The following COL4A4 variants were observed in gnomAD, a reference collection of about 807,000 sequenced individuals.
COL4A4 encodes collagen type IV alpha 4 chain.
Under a neutral mutation model 192.9 loss-of-function variants are expected in COL4A4, and 105 were observed. That is an observed-to-expected ratio of 0.54 (90% CI 0.46 to 0.64). The LOEUF is 0.64. Among genes scored for constraint, COL4A4 ranks in the 30% least tolerant of loss-of-function variants. COL4A4 has a pLI of 0.00. For synonymous variants in COL4A4, 762 were observed against 769.9 expected (o/e 0.99, Z 0.17); for missense variants, 1,967 against 2,169.3 (o/e 0.91, Z 1.85).
chr2:227,034,866 T>G (rs912441365), intron 37 of COL4A4, among the ~76,000 whole-genome samples: 1 of 151,474 alleles, frequency 6.6e-6, no homozygotes, highest in Non-Finnish European at 1.5e-5. Flanking sequence ...GATTTCCAAT[T>G]TCATCCATGT....
the COL4A4 span, among the ~76,000 whole-genome samples, chr2:226,979,086 C>A: frequency 5.3e-5 from 8 of 152,214 alleles, no homozygotes; most frequent in African/African-American, 1.9e-4. Flanking sequence ...AGAAGCTATT[C>A]GTGTGGCTCA....
chr2:227,010,605 G>C (rs1963460965), intron 45 of COL4A4, 104 bp from the exon 46 acceptor site: 1 of 946,174 alleles, frequency 1.1e-6, no homozygotes, highest in Non-Finnish European at 1.5e-6. Flanking sequence ...TCAGGGAGCA[G>C]AGGGGAGCAT....
At chr2:227,126,589 T>C (rs2062103488) in intron 4 of COL4A4, among the ~76,000 whole-genome samples, 1 of 152,248 alleles carries the variant, frequency 6.6e-6, no homozygotes, top group African/African-American at 2.4e-5. Flanking sequence ...TTTTTACAAC[T>C]GTGAAGACTT....
intron 42 of COL4A4, 121 bp downstream of exon 42, chr2:227,027,781 T>C: frequency 1.3e-6 from 1 of 797,668 alleles, no homozygotes; most frequent in Non-Finnish European, 2.2e-6. Flanking sequence ...ATACTCTTAA[T>C]ATAAGAAAAG....
chr2:227,101,846 TATA>T lies in COL4A4; in HGVS notation c.975+16_975+18del, dbSNP rs780664524. 2.6e-6 allele frequency: 4 copies of T among 1,542,480 alleles called. No individual in the cohort carries two copies. The South Asian group carries it at 4.6e-5, about 18-fold the overall frequency. On this transcript the variant is annotated intron_variant, in intron 16 of 47. Coordinates refer to ENST00000396625, the MANE Select transcript of COL4A4 (RefSeq NM_000092.5). ...ACTAATGAAATGTATTTATTATCTC[TATA>T]ATGAGGTACATTTACCTTTAATCCT...
chr2:227,007,909 G>C (rs1417784227), intron 47 of COL4A4, 109 bp downstream of exon 47: 14 of 1,370,472 alleles, frequency 1.0e-5, no homozygotes, highest in Non-Finnish European at 1.0e-6. Context: ...GTAACCTTAT[G>C]TCCTAAGCGC....
chr2:227,149,885 G>C (rs1370438370), intron 1 of COL4A4, among the ~76,000 whole-genome samples: 1 of 152,126 alleles, frequency 6.6e-6, no homozygotes, highest in South Asian at 2.1e-4. Context: ...ACAGACAGAC[G>C]GATGGATGGG....
intron 25 of COL4A4, among the ~76,000 whole-genome samples, chr2:227,070,856 C>T (rs1371170066): frequency 6.7e-6 from 1 of 149,568 alleles, no homozygotes; most frequent in African/African-American, 2.5e-5. Flanking sequence ...GCACATGTAC[C>T]CTAAAACTTA....
At chr2:226,984,861 G>C in the COL4A4 span, among the ~76,000 whole-genome samples, 1 of 146,998 alleles carries the variant, frequency 6.8e-6, no homozygotes, top group Non-Finnish European at 1.5e-5. Flanking sequence ...ATCAGGCACA[G>C]TCAGAATGAG....
intron 1 of COL4A4, among the ~76,000 whole-genome samples, chr2:227,161,459 T>A (rs559739450): frequency 1.1e-4 from 17 of 152,204 alleles, no homozygotes; most frequent in African/African-American, 1.7e-4. Context: ...CTGTTTTACA[T>A]TTAAAGAACC....
intron 44 of COL4A4, among the ~76,000 whole-genome samples, chr2:227,020,779 C>T (rs980197486): frequency 6.6e-6 from 1 of 152,026 alleles, no homozygotes; most frequent in African/African-American, 2.4e-5. Flanking sequence ...AGAACAGTGA[C>T]TTCTAGATGC....
chr2:227,101,881 C>A lies in COL4A4; in HGVS notation c.959G>T (p.Gly320Val). The change falls in exon 16 of 48, where the codon GGT (glycine) becomes GTT (valine). Residue 320 changes from glycine to valine, a missense_variant. Transcript: ENST00000396625. ...RGDPGSYGSPGFPGLKGELGL... is the reference protein window; with the variant it reads ...RGDPGSYGSPVFPGLKGELGL... ...TACATTTACCTTTAATCCTGGAAAA[C>A]CTGGAGATCCATAGGAACCAGGATC... The A allele has an allele frequency of 4.4e-6, 7 of 1,595,592 alleles. No individual in the cohort carries two copies. Among genetic ancestry groups the A allele is most frequent in the Non-Finnish European group, 6.0e-6 (7 of 1,167,532 alleles).
At chr2:227,033,367 A>G (rs1968835217) in intron 38 of COL4A4, 43 bp downstream of exon 38, 9 of 1,508,884 alleles carry the variant, frequency 6.0e-6, no homozygotes, top group African/African-American at 1.4e-5. Flanking sequence ...CTCATGAACC[A>G]TGGACTGAAG....
intron 22 of COL4A4, among the ~76,000 whole-genome samples, chr2:227,086,248 G>T (rs560938690): frequency 6.6e-6 from 1 of 152,284 alleles, no homozygotes; most frequent in South Asian, 2.1e-4. Context: ...CTACCAATCT[G>T]TGGCTGCTAG....
chr2:226,997,962 G>A (rs1959881013), downstream of COL4A4: 2 of 152,186 alleles, frequency 1.3e-5, no homozygotes, highest in Admixed American at 6.5e-5. Flanking sequence ...AACTGGAATT[G>A]GATTGAGAAA....
intron 35 of COL4A4, among the ~76,000 whole-genome samples, chr2:227,043,568 TTTAAG>T (rs1263080510): frequency 6.6e-6 from 1 of 152,220 alleles, no homozygotes; most frequent in African/African-American, 2.4e-5. Flanking sequence ...CTATTGGCCA[TTTAAG>T]TTATCTCTAA....
At chr2:227,138,294 G>A (rs2062955876) in intron 4 of COL4A4, among the ~76,000 whole-genome samples, 1 of 151,926 alleles carries the variant, frequency 6.6e-6, no homozygotes, top group Non-Finnish European at 1.5e-5. Context: ...CTCCAGTCTG[G>A]GTGACAGAGT....
chr2:227,106,530 C>T (rs926476617), intron 12 of COL4A4, among the ~76,000 whole-genome samples: 1 of 150,954 alleles, frequency 6.6e-6, no homozygotes, highest in African/African-American at 2.4e-5. Context: ...TGCTCTAGAA[C>T]ATCTGAGAAT....
At chr2:227,059,913 C>A (rs1213526371) in intron 27 of COL4A4, among the ~76,000 whole-genome samples, 1 of 152,044 alleles carries the variant, frequency 6.6e-6, no homozygotes, top group South Asian at 2.1e-4. Context: ...TAGCCCACAA[C>A]TTATGCTTCA....
Sources: gnomAD v4.1 joint callset for allele counts (sites outside exome capture counted in the v4.1 genomes callset) on GRCh38, gnomAD v4.1.1 for gene constraint, MANE v1.5 for transcripts, NCBI Gene and HGNC (gene_info 2026-07-23, HGNC 2026-07-21) for gene names.